The following GPC5 variants were observed in gnomAD, a reference collection of about 807,000 sequenced individuals.
GPC5 encodes the protein glypican-5.
Under a neutral mutation model 53.9 loss-of-function variants are expected in GPC5, and 47 were observed. The observed-to-expected ratio is 0.87, with a 90% CI of 0.69 to 1.11. The LOEUF (loss-of-function observed/expected upper bound fraction) is 1.11, where lower values mean the gene tolerates loss of function less well. Among genes scored for constraint, GPC5 ranks in the 50% most tolerant of loss-of-function variants. GPC5 has a pLI of 0.00. For synonymous variants in GPC5, 286 were observed against 263.3 expected, an observed-to-expected ratio of 1.09 and a Z score of -0.84; for missense variants, 748 against 713.1, an observed-to-expected ratio of 1.05 and a Z score of -0.56.
intron 7 of GPC5, among the ~76,000 whole-genome samples, chr13:92,773,074 A>G (rs902141968): frequency 2.0e-5 from 3 of 152,156 alleles, no homozygotes; most frequent in African/African-American, 7.2e-5. Flanking sequence ...TAAAATGCCA[A>G]AAATAGAGAT....
chr13:92,422,488 T>TCTCACA (rs1491457303), intron 7 of GPC5, among the ~76,000 whole-genome samples: 1 of 133,314 alleles, frequency 7.5e-6, no homozygotes, highest in Non-Finnish European at 1.6e-5. Flanking sequence ...CATCACCATC[T>TCTCACA]CACACACACA....
intron 6 of GPC5, among the ~76,000 whole-genome samples, chr13:92,088,745 G>A (rs1257555021): frequency 2.0e-5 from 3 of 152,024 alleles, no homozygotes; most frequent in Non-Finnish European, 4.4e-5. Flanking sequence ...TGATATTAGA[G>A]GTTTTATAAT....
chr13:92,274,940 G>A (rs1425281448), intron 7 of GPC5, among the ~76,000 whole-genome samples: 1 of 151,952 alleles, frequency 6.6e-6, no homozygotes, highest in East Asian at 1.9e-4. Flanking sequence ...GACAGCTGTA[G>A]AATAAGGTAC....
At chr13:92,337,021 AT>A (rs768071228) in intron 7 of GPC5, among the ~76,000 whole-genome samples, 4 of 152,080 alleles carry the variant, frequency 2.6e-5, no homozygotes, top group Non-Finnish European at 4.4e-5. Context: ...TACCCTCATG[AT>A]TCAGTTATCT....
At chr13:91,482,279 T>C (rs922334300) in intron 2 of GPC5, among the ~76,000 whole-genome samples, 3 of 152,178 alleles carry the variant, frequency 2.0e-5, no homozygotes, top group African/African-American at 7.2e-5. Context: ...GTTCTTCCTC[T>C]TGGGAGAATG....
chr13:92,683,382 A>G (rs1887164483), intron 7 of GPC5, among the ~76,000 whole-genome samples: 1 of 152,096 alleles, frequency 6.6e-6, no homozygotes, highest in Admixed American at 6.6e-5. Flanking sequence ...GACTTAGCAC[A>G]CTAGTCATGA....
At chr13:91,867,091 T>C (rs1323240355) in intron 5 of GPC5, among the ~76,000 whole-genome samples, 2 of 152,186 alleles carry the variant, frequency 1.3e-5, no homozygotes, top group Non-Finnish European at 2.9e-5. Flanking sequence ...GGCACATGCC[T>C]GTAATCCCAG....
At chr13:91,498,746 G>A (rs551884645) in intron 2 of GPC5, among the ~76,000 whole-genome samples, 17 of 152,088 alleles carry the variant, frequency 1.1e-4, no homozygotes, top group East Asian at 7.7e-4. Flanking sequence ...TGAGGTGGGC[G>A]GATCATTTGA....
rs368322117 is a variant in GPC5, at chr13:91,942,485, A to T, written c.1401+34428A>T. Among the ~76,000 whole-genome samples the T allele has an allele frequency of 8.5e-5, 13 of 152,160 alleles. 1 individual carries two copies. The South Asian group carries it at 2.7e-3, about 32-fold the overall frequency. On this transcript the variant is annotated intron_variant, in intron 6 of 7. Transcript: ENST00000377067. ...TCCCTTTAGTCTCAACTTCTAACTC[A>T]TCCTGACTGAATCAATCAAAAAGCT... is the stretch of plus-strand genomic sequence containing the variant.
At chr13:91,862,862 A>G (rs2039045203) in intron 5 of GPC5, among the ~76,000 whole-genome samples, 2 of 152,106 alleles carry the variant, frequency 1.3e-5, no homozygotes, top group Admixed American at 1.3e-4. Flanking sequence ...TTTAATGCCC[A>G]TTTATTAAGA....
intron 2 of GPC5, among the ~76,000 whole-genome samples, chr13:91,600,253 C>G (rs554817944): frequency 6.6e-6 from 1 of 151,698 alleles, no homozygotes; most frequent in Non-Finnish European, 1.5e-5. Flanking sequence ...GCTACTTGAT[C>G]TAGCAAAAAT....
At chr13:92,340,402 T>TA (rs150110182) in intron 7 of GPC5, 1 of 152,098 alleles carries the variant, frequency 6.6e-6, no homozygotes, top group Non-Finnish European at 1.5e-5. Flanking sequence ...CTAACTTTTT[T>TA]AAAAAAGATG....
intron 7 of GPC5, among the ~76,000 whole-genome samples, chr13:92,390,252 A>C (rs2139322544): frequency 6.6e-6 from 1 of 152,268 alleles, no homozygotes; most frequent in South Asian, 2.1e-4. Flanking sequence ...TATTAGTCCC[A>C]GAAGATTTAT....
chr13:91,547,928 T>G (rs1463520359), intron 2 of GPC5, among the ~76,000 whole-genome samples: 1 of 152,080 alleles, frequency 6.6e-6, no homozygotes, highest in African/African-American at 2.4e-5. Context: ...AATTCATGAT[T>G]AAAACTCGAA....
intron 7 of GPC5, among the ~76,000 whole-genome samples, chr13:92,864,083 A>G (rs1009285717): frequency 6.6e-6 from 1 of 152,184 alleles, no homozygotes; most frequent in Admixed American, 6.6e-5. Context: ...TTCTTTATGA[A>G]AATAATCATT....
At chr13:92,559,630 T>A (rs1440576761) in intron 7 of GPC5, among the ~76,000 whole-genome samples, 1 of 151,654 alleles carries the variant, frequency 6.6e-6, no homozygotes, top group Non-Finnish European at 1.5e-5. Flanking sequence ...AAGGACCACC[T>A]TGTTGCTTAG....
chr13:92,339,360 G>T (rs1298513372), intron 7 of GPC5, among the ~76,000 whole-genome samples: 5 of 151,834 alleles, frequency 3.3e-5, no homozygotes, highest in East Asian at 1.9e-4. Flanking sequence ...ACTTTGATAA[G>T]GTTTCCAATA....
At chr13:92,258,591 AGCTCT>A (rs2042743427) in intron 7 of GPC5, among the ~76,000 whole-genome samples, 1 of 152,216 alleles carries the variant, frequency 6.6e-6, no homozygotes, top group Non-Finnish European at 1.5e-5. Flanking sequence ...TCTATAAGAT[AGCTCT>A]AAATATATGA....
intron 7 of GPC5, among the ~76,000 whole-genome samples, chr13:92,427,655 A>G (rs577135585): frequency 6.6e-6 from 1 of 152,062 alleles, no homozygotes; most frequent in Non-Finnish European, 1.5e-5. Context: ...GCTGGGTGAC[A>G]TTAAGAATAT....
Sources: gnomAD v4.1 joint callset for allele counts (sites outside exome capture counted in the v4.1 genomes callset) on GRCh38, gnomAD v4.1.1 for gene constraint, MANE v1.5 for transcripts, NCBI Gene and HGNC (gene_info 2026-07-23, HGNC 2026-07-21) for gene names.